Variants in SMAP1 observed in about 807,000 individuals in gnomAD.
SMAP1 encodes the protein small ArfGAP 1.
In SMAP1, 24 loss-of-function variants were observed where a neutral mutation model predicts 58.5. That is an observed-to-expected ratio of 0.41 (90% CI 0.30 to 0.58). The LOEUF (loss-of-function observed/expected upper bound fraction) is 0.58, where lower values mean the gene tolerates loss of function less well. SMAP1 is among the 20% of genes least tolerant of loss of function. The pLI is 0.29. For missense variants in SMAP1, 563 were observed against 566.3 expected (o/e 0.99, Z 0.06); for synonymous variants, 216 against 196.6 (o/e 1.10, Z -0.82).
chr6:70,744,034 T>G (rs1765918608), intron 2 of SMAP1, among the ~76,000 whole-genome samples: 1 of 152,216 alleles, frequency 6.6e-6, no homozygotes. Flanking sequence ...TTAAATAAGG[T>G]CAGTAATACT....
chr6:70,798,028 A>G (rs2087636056), intron 5 of SMAP1, among the ~76,000 whole-genome samples: 1 of 152,104 alleles, frequency 6.6e-6, no homozygotes, highest in South Asian at 2.1e-4. Flanking sequence ...TGTGAATATC[A>G]TAATGCCATT....
chr6:70,775,677 T>TA (rs1767518327), intron 4 of SMAP1, among the ~76,000 whole-genome samples: 1 of 152,220 alleles, frequency 6.6e-6, no homozygotes, highest in African/African-American at 2.4e-5. Flanking sequence ...TTCCTTTTTT[T>TA]ATGTAGGCTT....
intron 1 of SMAP1, among the ~76,000 whole-genome samples, chr6:70,713,149 A>G (rs780659621): frequency 6.6e-6 from 1 of 151,760 alleles, no homozygotes; most frequent in Non-Finnish European, 1.5e-5. Context: ...TTCATTTCTG[A>G]TTTTTAGTCT....
intron 4 of SMAP1, among the ~76,000 whole-genome samples, chr6:70,780,362 G>A (rs548692561): frequency 6.6e-4 from 101 of 152,258 alleles, no homozygotes; most frequent in South Asian, 2.7e-3. Context: ...GATCGCTTGA[G>A]TCCAGGAGTT....
intron 2 of SMAP1, among the ~76,000 whole-genome samples, chr6:70,744,355 G>A (rs1402280337): frequency 6.6e-6 from 1 of 152,026 alleles, no homozygotes; most frequent in South Asian, 2.1e-4. Context: ...CCCGGTGTGT[G>A]ATGTTCCCCA....
intron 3 of SMAP1, among the ~76,000 whole-genome samples, chr6:70,756,657 A>G (rs983355147): frequency 2.0e-5 from 3 of 152,066 alleles, no homozygotes; most frequent in Non-Finnish European, 4.4e-5. Context: ...CATTGGCCCA[A>G]GTGTTTAAAA....
At chr6:70,772,294 T>C (rs1474133838) in intron 3 of SMAP1, among the ~76,000 whole-genome samples, 3 of 152,224 alleles carry the variant, frequency 2.0e-5, no homozygotes, top group Non-Finnish European at 4.4e-5. Context: ...AACTGTCATT[T>C]TAAAAGGCTT....
intron 3 of SMAP1, among the ~76,000 whole-genome samples, chr6:70,762,101 G>A (rs1394160103): frequency 1.3e-5 from 2 of 152,024 alleles, no homozygotes; most frequent in African/African-American, 4.8e-5. Context: ...CAAAACTATG[G>A]TAAAAATTTC....
At chr6:70,830,180 T>C (rs1770302294) in intron 6 of SMAP1, among the ~76,000 whole-genome samples, 1 of 152,244 alleles carries the variant, frequency 6.6e-6, no homozygotes. Flanking sequence ...CACAGTTGAC[T>C]GCATTCTTCA....
intron 5 of SMAP1, among the ~76,000 whole-genome samples, chr6:70,797,154 T>C (rs1392210055): frequency 2.0e-5 from 3 of 152,166 alleles, no homozygotes; most frequent in African/African-American, 7.2e-5. Flanking sequence ...TAAAGATCTT[T>C]GCTATGAATT....
chr6:70,691,216 T>G (rs1450274867), intron 1 of SMAP1, among the ~76,000 whole-genome samples: 1 of 152,214 alleles, frequency 6.6e-6, no homozygotes, highest in Non-Finnish European at 1.5e-5. Flanking sequence ...GCTAGAGATT[T>G]ACCTATTTTA....
At chr6:70,672,111 G>GT (rs1766291336) in intron 1 of SMAP1, among the ~76,000 whole-genome samples, 1 of 152,198 alleles carries the variant, frequency 6.6e-6, no homozygotes, top group Non-Finnish European at 1.5e-5. Context: ...ATTGTATTAG[G>GT]TAAGAGAGCT....
At chr6:70,820,315 G>C (rs1025778939) in intron 6 of SMAP1, among the ~76,000 whole-genome samples, 1 of 151,932 alleles carries the variant, frequency 6.6e-6, no homozygotes, top group African/African-American at 2.4e-5. Context: ...AGTCATAATT[G>C]ATGTTATGAG....
chr6:70,809,968 T>G (rs1769315747), intron 6 of SMAP1, among the ~76,000 whole-genome samples: 1 of 152,174 alleles, frequency 6.6e-6, no homozygotes, highest in Non-Finnish European at 1.5e-5. Flanking sequence ...TATAGAATGC[T>G]AGTTGCTGTT....
chr6:70,676,950 TA>T (rs996085746), intron 1 of SMAP1, among the ~76,000 whole-genome samples: 4 of 151,654 alleles, frequency 2.6e-5, no homozygotes, highest in Non-Finnish European at 4.4e-5. Flanking sequence ...ATGGCTAATT[TA>T]AAAAAAATTT....
rs566616975 is a variant in SMAP1, at chr6:70,698,556, G to A, written c.118+30415G>A. ...ATTTTAGGACTGTTTTCTAGATTTC[G>A]TAGGCATGCTTCATTCTTTTTTATC... On this transcript the variant is annotated intron_variant, in intron 1 of 10. Transcript: ENST00000370455. Among the ~76,000 whole-genome samples, 89 of 152,198 alleles carry A rather than the reference G, an allele frequency of 5.8e-4. 1 individual carries two copies. The highest frequency in any genetic ancestry group is 1.1e-3 in the Non-Finnish European group (76 of 68,012).
At chr6:70,693,126 A>G (rs188292505) in intron 1 of SMAP1, among the ~76,000 whole-genome samples, 5 of 152,092 alleles carry the variant, frequency 3.3e-5, no homozygotes, top group East Asian at 1.9e-4. Context: ...TTTGGTTACT[A>G]TAGCTATGTA....
intron 4 of SMAP1, among the ~76,000 whole-genome samples, chr6:70,776,333 A>G (rs1436077509): frequency 6.6e-6 from 1 of 152,024 alleles, no homozygotes; most frequent in Non-Finnish European, 1.5e-5. Flanking sequence ...CAGGCGTGCT[A>G]CCACGCCCAG....
At chr6:70,847,985 T>C (rs377361966) in intron 7 of SMAP1, among the ~76,000 whole-genome samples, 14 of 152,292 alleles carry the variant, frequency 9.2e-5, no homozygotes, top group African/African-American at 3.1e-4. Flanking sequence ...CACATTATGG[T>C]GATTTACACT....
Sources: gnomAD v4.1 joint callset for allele counts (sites outside exome capture counted in the v4.1 genomes callset) on GRCh38, gnomAD v4.1.1 for gene constraint, MANE v1.5 for transcripts, NCBI Gene and HGNC (gene_info 2026-07-23, HGNC 2026-07-21) for gene names.